PSMA1: variants seen among roughly 807,000 people sequenced by gnomAD.
The protein encoded by PSMA1 is proteasome subunit alpha type-1.
A neutral mutation model predicts 38.4 loss-of-function variants in PSMA1; 3 were observed. The ratio of observed to expected loss-of-function variants is 0.08; its 90% confidence interval spans 0.04 to 0.20. The LOEUF (loss-of-function observed/expected upper bound fraction) is 0.20, where lower values mean the gene tolerates loss of function less well. Ranked by LOEUF, PSMA1 falls within the 10% of genes least tolerant of loss-of-function variation. The probability of loss-of-function intolerance (pLI) is 1.00; values close to 1 mark genes in which losing one functional copy is unlikely to be tolerated. For missense variants in PSMA1, 227 were observed against 325.3 expected (o/e 0.70, Z 2.32); for synonymous variants, 101 against 107.1 (o/e 0.94, Z 0.35).
intron 9 of PSMA1, among the ~76,000 whole-genome samples, chr11:14,507,046 T>A (rs11023241): frequency 0.04 from 6,148 of 152,326 alleles, 148 homozygotes; most frequent in Non-Finnish European, 0.059. Flanking sequence ...AAGAACCATG[T>A]AGGTGAGCCC....
chr11:14,636,158 T>C (rs1565064910), intron 1 of PSMA1, among the ~76,000 whole-genome samples: 1 of 152,194 alleles, frequency 6.6e-6, no homozygotes, highest in Non-Finnish European at 1.5e-5. Context: ...CTCTCTTTTC[T>C]TAATGTCAAA....
At chr11:14,540,994 C>G (rs976239324) in intron 2 of PSMA1, among the ~76,000 whole-genome samples, 1 of 151,918 alleles carries the variant, frequency 6.6e-6, no homozygotes, top group Non-Finnish European at 1.5e-5. Flanking sequence ...ATGTAAATGA[C>G]GAGTTAATGG....
intron 2 of PSMA1, among the ~76,000 whole-genome samples, chr11:14,592,824 ATCTCAGG>A (rs1189434052): frequency 2.0e-5 from 3 of 152,234 alleles, no homozygotes; most frequent in East Asian, 3.8e-4. Context: ...GTCTCCTCAT[ATCTCAGG>A]TCTCAGATAA....
chr11:14,569,507 A>G (rs1319903148), intron 2 of PSMA1, among the ~76,000 whole-genome samples: 1 of 152,180 alleles, frequency 6.6e-6, no homozygotes, highest in Non-Finnish European at 1.5e-5. Context: ...GGGCACTCCC[A>G]CCATAACACT....
chr11:14,533,072 G>A (rs1223869765), intron 2 of PSMA1, among the ~76,000 whole-genome samples: 8 of 151,988 alleles, frequency 5.3e-5, no homozygotes, highest in Non-Finnish European at 8.8e-5. Context: ...TATATACATC[G>A]TGTGTACATA....
chr11:14,627,700 G>A (rs1354187938), intron 1 of PSMA1, among the ~76,000 whole-genome samples: 1 of 152,148 alleles, frequency 6.6e-6, no homozygotes, highest in Non-Finnish European at 1.5e-5. Context: ...GAGGCTTAGA[G>A]GACCTCACAT....
rs551860921 is a variant in PSMA1, at chr11:14,533,449, A to G, written c.22-14408T>C. ...CCCTGCACCCAAGTACAGCTTCCTA[A>G]GGTACCCCATGTGGCTTTCCTCTTT... On this transcript the variant is annotated intron_variant, in intron 2 of 10. Transcript: ENST00000418988. Among the ~76,000 whole-genome samples, 5 of 152,324 alleles carry G rather than the reference A, an allele frequency of 3.3e-5. No individual in the cohort carries two copies. In the South Asian group the frequency reaches 1.0e-3, roughly 32 times the overall value.
At chr11:14,635,958 G>A (rs763679391) in intron 1 of PSMA1, among the ~76,000 whole-genome samples, 1 of 152,158 alleles carries the variant, frequency 6.6e-6, no homozygotes, top group Non-Finnish European at 1.5e-5. Flanking sequence ...AGGGAAGACT[G>A]TAGGTAGTAT....
chr11:14,570,155 T>A (rs1423738855), intron 2 of PSMA1, among the ~76,000 whole-genome samples: 1 of 152,152 alleles, frequency 6.6e-6, no homozygotes, highest in East Asian at 1.9e-4. Flanking sequence ...GTCCTGACTG[T>A]TAGAAGGAAA....
chr11:14,610,915 A>G, intron 2 of PSMA1: 1 of 1,579,726 alleles, frequency 6.3e-7, no homozygotes, highest in Non-Finnish European at 8.7e-7. Context: ...ACATAGTGAG[A>G]TGTGAAATCT....
At chr11:14,575,649 C>T (rs1200049027) in intron 2 of PSMA1, among the ~76,000 whole-genome samples, 2 of 152,150 alleles carry the variant, frequency 1.3e-5, no homozygotes, top group Non-Finnish European at 2.9e-5. Flanking sequence ...TTTCTTCATC[C>T]AGTCTATCAT....
intron 4 of PSMA1, among the ~76,000 whole-genome samples, chr11:14,516,499 A>G (rs1036738122): frequency 6.6e-6 from 1 of 152,236 alleles, no homozygotes; most frequent in South Asian, 2.1e-4. Flanking sequence ...CTTATAATTT[A>G]TATTCTTTCT....
intron 1 of PSMA1, among the ~76,000 whole-genome samples, chr11:14,635,928 A>G (rs534856666): frequency 5.3e-5 from 8 of 152,302 alleles, no homozygotes; most frequent in South Asian, 2.1e-4. Context: ...TTGGTTTATC[A>G]TATCTATTTC....
intron 3 of PSMA1, 24 bp from the exon 4 acceptor site, chr11:14,517,769 T>TAAAAAAAAA: frequency 7.6e-7 from 1 of 1,320,148 alleles, no homozygotes; most frequent in Non-Finnish European, 1.0e-6. Flanking sequence ...TTATAAGATG[T>TAAAAAAAAA]AAAAAAAAAA....
intron 2 of PSMA1, among the ~76,000 whole-genome samples, chr11:14,548,038 A>C (rs1320845555): frequency 2.6e-5 from 4 of 151,816 alleles, no homozygotes; most frequent in Admixed American, 1.3e-4. Flanking sequence ...ACACACACAC[A>C]CCACACAGAG....
chr11:14,608,131 C>T (rs1054794967), intron 2 of PSMA1, among the ~76,000 whole-genome samples: 1 of 152,074 alleles, frequency 6.6e-6, no homozygotes, highest in Non-Finnish European at 1.5e-5. Context: ...GTGGAAGGAT[C>T]ACTGAGGCCA....
intron 2 of PSMA1, among the ~76,000 whole-genome samples, chr11:14,570,422 C>G (rs1054425822): frequency 1.4e-4 from 22 of 152,120 alleles, no homozygotes; most frequent in African/African-American, 5.3e-4. Context: ...CTTCTCCAAG[C>G]TAAAGGAGGA....
chr11:14,607,235 G>A (rs959086935), intron 2 of PSMA1, among the ~76,000 whole-genome samples: 1 of 152,184 alleles, frequency 6.6e-6, no homozygotes, highest in Admixed American at 6.5e-5. Flanking sequence ...TTTTAGCTCT[G>A]AACATTTCCC....
chr11:14,584,997 A>G (rs1407969682), intron 2 of PSMA1, among the ~76,000 whole-genome samples: 1 of 152,250 alleles, frequency 6.6e-6, no homozygotes, highest in Non-Finnish European at 1.5e-5. Flanking sequence ...AGATTTTAAA[A>G]TAACTGGAGA....
Sources: allele counts gnomAD v4.1 joint callset (sites outside exome capture counted in the v4.1 genomes callset), GRCh38; gene constraint gnomAD v4.1.1; transcripts MANE v1.5; gene names NCBI Gene and HGNC (gene_info 2026-07-23, HGNC 2026-07-21).